RNASE12: variants seen among roughly 807,000 people sequenced by gnomAD.
RNASE12 encodes the protein ribonuclease A family member 12 (inactive), also known as probable inactive ribonuclease-like protein 12.
For synonymous variants in RNASE12, 55 were observed against 59.8 expected (o/e 0.92, Z 0.37); for missense variants, 161 against 177.6 (o/e 0.91, Z 0.53).
At chr14:20,590,310 C>A in exon 1 of RNASE12, 1 of 1,614,160 alleles carries the variant, frequency 6.2e-7, no homozygotes, top group Non-Finnish European at 8.5e-7. Context: ...AACTATCTGG[C>A]CTCAAGTCAT....
At chr14:20,590,493 A>G (rs1286541669) in exon 1 of RNASE12, 4 of 1,614,252 alleles carry the variant, frequency 2.5e-6, no homozygotes, top group Non-Finnish European at 1.7e-6. Context: ...TGCAAATACC[A>G]TTGATTTTTC....
chr14:20,590,756 T>C (rs977352498), exon 1 of RNASE12: 7 of 1,599,456 alleles, frequency 4.4e-6, no homozygotes, highest in Non-Finnish European at 6.0e-6. Flanking sequence ...TCTTTGGCTT[T>C]GACTGCTGTT....
Position 20,590,773 on chromosome 14 carries a change from G to A in RNASE12, c.-50C>T, listed in dbSNP as rs1333758569. 1 of 1,588,524 alleles carries A rather than the reference G, an allele frequency of 6.3e-7. No homozygotes were observed. The highest frequency in any genetic ancestry group is 8.6e-7 in the Non-Finnish European group (1 of 1,165,202). On this transcript the variant is annotated 5_prime_UTR_variant, in exon 1 of 1. Coordinates refer to ENST00000556526, the Ensembl canonical transcript of RNASE12. ...TTTGGCTTTGACTGCTGTTGAGTAA[G>A]GGAAGATAGAAAGTAGCAAAGGACA...
chr14:20,590,109 G>T, downstream of RNASE12: 1 of 1,230,738 alleles, frequency 8.1e-7, no homozygotes. Flanking sequence ...TTTTATTGAA[G>T]CAGAATAAAA....
upstream of RNASE12, chr14:20,591,304 C>T (rs1431145835): frequency 3.0e-6 from 3 of 985,020 alleles, no homozygotes; most frequent in South Asian, 9.4e-5. Flanking sequence ...GCCTTTTGAT[C>T]ATGAATTTGA....
chr14:20,590,149 AAATT>A, downstream of RNASE12: 1 of 1,469,950 alleles, frequency 6.8e-7, no homozygotes, highest in South Asian at 1.4e-5. Context: ...CAGGAAGGAT[AAATT>A]AATTACCAGT....
chr14:20,590,567 T>C (rs759054719), exon 1 of RNASE12: 11 of 1,614,258 alleles, frequency 6.8e-6, no homozygotes, highest in Non-Finnish European at 7.6e-6. Context: ...CTGATAACTC[T>C]TTGTATGATC....
exon 1 of RNASE12, chr14:20,590,204 T>C: frequency 1.3e-6 from 2 of 1,568,596 alleles, no homozygotes; most frequent in Non-Finnish European, 1.7e-6. Flanking sequence ...ATGTCCACGG[T>C]CCAGGTCTGC....
At chr14:20,590,680 T>C (rs148993943) in exon 1 of RNASE12, 8 of 1,614,194 alleles carry the variant, frequency 5.0e-6, no homozygotes, top group African/African-American at 1.3e-5. Flanking sequence ...CACCTCATTT[T>C]CCCAGAACAG....
exon 1 of RNASE12, chr14:20,590,671 A>G: frequency 1.2e-6 from 2 of 1,614,162 alleles, no homozygotes; most frequent in Non-Finnish European, 1.7e-6. Context: ...TTCATCATTC[A>G]CCTCATTTTC....
At chr14:20,590,814 C>A (rs532551077) in exon 1 of RNASE12, 9 of 1,541,512 alleles carry the variant, frequency 5.8e-6, no homozygotes, top group Non-Finnish European at 7.9e-6. Flanking sequence ...ATTCCTCCTG[C>A]TCCAACCCCT....
upstream of RNASE12, chr14:20,591,129 G>A (rs967431149): frequency 1.7e-5 from 17 of 985,084 alleles, no homozygotes; most frequent in Admixed American, 1.8e-4. Flanking sequence ...CTTCTTTCCC[G>A]TAATTTTCTC....
At chr14:20,591,157 A>G (rs1884572558), upstream of RNASE12, 3 of 984,950 alleles carry the variant, frequency 3.0e-6, no homozygotes, top group African/African-American at 1.7e-5. Context: ...AATCCACCCA[A>G]TTGCACATGA....
chr14:20,590,443 A>G (rs746426702), exon 1 of RNASE12: 1 of 1,614,226 alleles, frequency 6.2e-7, no homozygotes, highest in East Asian at 2.2e-5. Flanking sequence ...AAAGCAGAAA[A>G]TGGCCGAAAG....
At chr14:20,590,467 A>G in exon 1 of RNASE12, 1 of 1,614,218 alleles carries the variant, frequency 6.2e-7, no homozygotes, top group Admixed American at 1.7e-5. Context: ...TTGGCAAGCA[A>G]CCTTCTTGGG....
At chr14:20,590,571 T>C in exon 1 of RNASE12, 2 of 1,614,274 alleles carry the variant, frequency 1.2e-6, no homozygotes, top group Non-Finnish European at 1.7e-6. Flanking sequence ...TAACTCTTTG[T>C]ATGATCATGT....
upstream of RNASE12, chr14:20,591,126 C>G (rs115679687): frequency 3.0e-6 from 3 of 985,200 alleles, no homozygotes; most frequent in African/African-American, 5.2e-5. Context: ...AACCTTCTTT[C>G]CCGTAATTTT....
At chr14:20,591,109 G>T (rs1190447939), upstream of RNASE12, 8 of 985,070 alleles carry the variant, frequency 8.1e-6, no homozygotes, top group Non-Finnish European at 9.6e-6. Flanking sequence ...TATTCATATT[G>T]CTGAATAACC....
exon 1 of RNASE12, chr14:20,590,742 C>T (rs779500331): frequency 3.1e-6 from 5 of 1,606,140 alleles, no homozygotes; most frequent in African/African-American, 1.3e-5. Context: ...AGAGTGACTT[C>T]GCATCTTTGG....
Sources: allele counts gnomAD v4.1 joint callset, GRCh38; gene constraint gnomAD v4.1.1; transcripts MANE v1.5; gene names NCBI Gene and HGNC (gene_info 2026-07-23, HGNC 2026-07-21).